The following CTR9 variants were observed in gnomAD, a reference collection of about 807,000 sequenced individuals.
CTR9 encodes the protein CTR9 component of Paf1/RNA polymerase II complex, also known as RNA polymerase-associated protein CTR9 homolog.
In CTR9, 41 loss-of-function variants were observed where a neutral mutation model predicts 152.1. The ratio of observed to expected loss-of-function variants is 0.27; its 90% CI spans 0.21 to 0.35. The LOEUF (loss-of-function observed/expected upper bound fraction) is 0.35, where lower values mean the gene tolerates loss of function less well. Among genes scored for constraint, CTR9 ranks in the 10% least tolerant of loss-of-function variants. The probability of loss-of-function intolerance (pLI) is 1.00; values close to 1 mark genes in which losing one functional copy is unlikely to be tolerated. For synonymous variants in CTR9, 476 were observed against 496.2 expected (o/e 0.96, Z 0.54); for missense variants, 917 against 1,424.4 (o/e 0.64, Z 5.73).
chr11:10,756,896 A>G (rs770902861), intron 5 of CTR9, 58 bp downstream of exon 5: 6 of 1,052,904 alleles, frequency 5.7e-6, no homozygotes, highest in Non-Finnish European at 8.7e-6. Flanking sequence ...TAAAGCATTG[A>G]GGATTTGTCA....
At chr11:10,760,886 T>C (rs1862965537) in intron 6 of CTR9, among the ~76,000 whole-genome samples, 1 of 152,214 alleles carries the variant, frequency 6.6e-6, no homozygotes, top group South Asian at 2.1e-4. Context: ...AGTCACAAGA[T>C]GGCTGCAGCA....
In CTR9 at chr11:10,775,303, T is replaced by A. The variant is rs376549284; in HGVS notation, c.2982T>A (p.Ala994=). Reference sequence around the variant, plus strand: ...CACCAAAAGCAGAGAAGAAAAAGGCTGTAAGTTTATAGTACTGTGTTTTTC... The same window carrying A: ...CACCAAAAGCAGAGAAGAAAAAGGCAGTAAGTTTATAGTACTGTGTTTTTC... The part of the protein sequence containing the change: ...RRPPKAEKKK[A]PKPERLPPSM... The change falls in exon 23 of 25, where the codon GCT becomes GCA. Residue 994 remains alanine, a splice_region_variant and synonymous_variant. Transcript: ENST00000361367. 9 of 1,613,034 alleles carry A rather than the reference T, an allele frequency of 5.6e-6. No homozygotes were observed. The African/African-American group carries it at 1.2e-4, about 22-fold the overall frequency.
rs758321627 is a variant in CTR9 at position 10,775,505 on chromosome 11, G to T, written c.2983-16G>T. 6.3e-7 allele frequency: 1 copy of T among 1,598,532 alleles called. No individual in the cohort carries two copies. Reference sequence around the variant, plus strand: ...GTAAGAGTCTTGACTAATCTATTATGTTTGACATTCTTTAGCCCAAGCCAG... The same window carrying T: ...GTAAGAGTCTTGACTAATCTATTATTTTTGACATTCTTTAGCCCAAGCCAG... On this transcript the variant is annotated splice_polypyrimidine_tract_variant and intron_variant, in intron 23 of 24. Transcript: ENST00000361367.
chr11:10,762,863 G>A (rs556821949), intron 7 of CTR9, among the ~76,000 whole-genome samples: 1 of 151,984 alleles, frequency 6.6e-6, no homozygotes, highest in African/African-American at 2.4e-5. Context: ...AAATTAGCTG[G>A]ACATGGTGGC....
chr11:10,775,750 A>G, intron 24 of CTR9, 117 bp downstream of exon 24: 1 of 643,836 alleles, frequency 1.6e-6, no homozygotes, highest in Non-Finnish European at 2.5e-6. Context: ...TTTATAAATA[A>G]TAAGAGGGGT....
intron 19 of CTR9, among the ~76,000 whole-genome samples, chr11:10,772,284 G>A (rs1863155078): frequency 6.6e-6 from 1 of 152,044 alleles, no homozygotes; most frequent in African/African-American, 2.4e-5. Flanking sequence ...AAACCCGGAG[G>A]CGGAGGTTGC....
Position 10,775,530 on chromosome 11 carries a change from G to C in CTR9, c.2992G>C (p.Glu998Gln). 6.2e-7 allele frequency: 1 copy of C among 1,613,060 alleles called. No homozygotes were observed. Among genetic ancestry groups the C allele is most frequent in the Non-Finnish European group, 8.5e-7 (1 of 1,179,322 alleles). The change falls in exon 24 of 25, where the codon GAA becomes CAA. Residue 998 changes from glutamate to glutamine, a missense_variant. Physicochemically the swap from Glu to Gln is conservative, Grantham distance 29. This residue lies in a region of CTR9 where 384 missense variants were observed against 398.4 expected (regional missense o/e 0.96). Transcript: ENST00000361367. ...GTTTGACATTCTTTAGCCCAAGCCA[G>C]AACGTCTGCCTCCATCAATGAAGGG... The part of the protein sequence containing the change: ...KAEKKKAPKP[E>Q]RLPPSMKGKI...
At chr11:10,759,249 G>A (rs568557808) in intron 5 of CTR9, among the ~76,000 whole-genome samples, 5 of 152,202 alleles carry the variant, frequency 3.3e-5, no homozygotes, top group Non-Finnish European at 7.3e-5. Context: ...AGAGGTATAG[G>A]AGGAAAATAG....
rs1564969401 is a variant in CTR9 at position 10,767,324 on chromosome 11, T to G, written c.1687-482T>G. The G allele has an allele frequency of 6.4e-6, 1 of 156,428 alleles. No individual in the cohort carries two copies. Among genetic ancestry groups the G allele is most frequent in the Non-Finnish European group, 1.4e-5 (1 of 70,414 alleles). The allele number at this position is 156,428 out of a possible 1,614,324, so 9.7% of individuals were successfully genotyped here. ...TGCCTGTTAGTGATGGTTCCACGTT[T>G]GTAACGTTTTGGTTGAGATTTTAAA... On this transcript the variant is annotated intron_variant, in intron 13 of 24. Transcript: ENST00000361367. This position sits in a 1 kb window ranked among gnomAD's most constrained non-coding sequence, Gnocchi z 4.0.
At chr11:10,761,293 T>TGGGGAAGG (rs1862972366) in intron 6 of CTR9, among the ~76,000 whole-genome samples, 3 of 137,140 alleles carry the variant, frequency 2.2e-5, no homozygotes, top group African/African-American at 8.2e-5. Flanking sequence ...CCCCCGGGCC[T>TGGGGAAGG]GGGGAAGGGG....
At chr11:10,763,999 TC>T in intron 9 of CTR9, 112 bp from the exon 10 acceptor site, 1 of 1,343,250 alleles carries the variant, frequency 7.4e-7, no homozygotes, top group Non-Finnish European at 1.0e-6. Flanking sequence ...CTGAGCTTGT[TC>T]CAGTTTAGAT....
intron 3 of CTR9, 71 bp downstream of exon 3, chr11:10,755,268 A>G (rs1017595418): frequency 1.5e-5 from 22 of 1,508,260 alleles, no homozygotes; most frequent in Admixed American, 2.2e-5. Context: ...TGTGTGTGAT[A>G]GCAGATTTTT....
Position 10,778,943 on chromosome 11 carries a change from C to A in CTR9, c.3360C>A (p.Asp1120Glu). 6.2e-7 allele frequency: 1 copy of A among 1,614,176 alleles called. No individual in the cohort carries two copies. Among genetic ancestry groups the A allele is most frequent in the Non-Finnish European group, 8.5e-7 (1 of 1,180,036 alleles). Residue 1120 changes from aspartate to glutamate, a missense_variant, in exon 25 of 25, where the codon GAC becomes GAA. Around this residue, in one of 9 missense-constraint regions of CTR9, gnomAD observed 384 missense variants for 398.4 expected, o/e 0.96. Transcript: ENST00000361367. ...GCCACTCAGGAGTTTCTGAGAACGA[C>A]TCTCGCCCAGCTTCTCCAAGTGCCG... is the stretch of plus-strand genomic sequence containing the variant. ...GRSHSGVSENDSRPASPSAES... is the reference protein window; with the variant it reads ...GRSHSGVSENESRPASPSAES...
rs1863007408 is a variant in CTR9 at position 10,763,335 on chromosome 11, G to A, written c.850-96G>A. On this transcript the variant is annotated intron_variant, in intron 7 of 24. Transcript: ENST00000361367. ...AACTATTTATGAAGAAGATGGAAAT[G>A]TATCTTACAGGTAAACGAAGTGTTA... The A allele has an allele frequency of 1.6e-5, 13 of 796,784 alleles. 1 individual carries two copies. In the South Asian group the frequency reaches 1.7e-4, roughly 10 times the overall value. 49.4% of individuals were successfully genotyped at this position (796,784 alleles called of 1,614,324 possible). A position where few individuals can be genotyped will look rare whatever the true frequency, so the allele number is the denominator to read the frequency against.
At chr11:10,762,086 T>C (rs745636253) in intron 7 of CTR9, 32 bp downstream of exon 7, 78 of 1,377,322 alleles carry the variant, frequency 5.7e-5, no homozygotes, top group Non-Finnish European at 7.8e-5. Context: ...ATTCTGATTT[T>C]TGTTTTTCTG....
At chr11:10,756,626 T>A (rs1324868413) in intron 4 of CTR9, 123 bp from the exon 5 acceptor site, 2 of 602,124 alleles carry the variant, frequency 3.3e-6, no homozygotes, top group African/African-American at 3.8e-5. Flanking sequence ...ATATGAAATT[T>A]TGTTCTGTGT....
intron 5 of CTR9, 21 bp from the exon 6 acceptor site, chr11:10,760,152 T>C (rs1331788935): frequency 6.2e-7 from 1 of 1,610,366 alleles, no homozygotes; most frequent in African/African-American, 1.3e-5. Flanking sequence ...GTTTGATAGA[T>C]TGAATGACTT....
rs1233247876 is a variant in CTR9, at chr11:10,773,193, G to A, written c.2647G>A (p.Glu883Lys). 1 of 1,613,198 alleles carries A rather than the reference G, an allele frequency of 6.2e-7. No individual in the cohort carries two copies. Among genetic ancestry groups the A allele is most frequent in the South Asian group, 1.1e-5 (1 of 90,746 alleles). Residue 883 changes from glutamate (E) to lysine (K), a missense_variant, in exon 21 of 25, where the codon GAG (glutamate) becomes AAG (lysine). Glu to Lys is a moderately conservative substitution (Grantham distance 56). Transcript: ENST00000361367. Reference protein sequence around the residue: ...KLLEQRAQYVEKTKNILMFTG... With the variant: ...KLLEQRAQYVKKTKNILMFTG... ...TTTGGAACAGCGGGCCCAGTATGTG[G>A]AGAAGACCAAAAATATTCTTATGTT...
At chr11:10,757,154 A>G (rs1862898683) in intron 5 of CTR9, among the ~76,000 whole-genome samples, 1 of 151,986 alleles carries the variant, frequency 6.6e-6, no homozygotes, top group Non-Finnish European at 1.5e-5. Flanking sequence ...GCATGGTGGC[A>G]CACACCTGTG....
Sources: gnomAD v4.1 joint callset for allele counts (sites outside exome capture counted in the v4.1 genomes callset) on GRCh38, gnomAD v4.1.1 for gene constraint, gnomAD v4.1.1 regional missense constraint, Gnocchi (gnomAD v3.1) non-coding constraint, MANE v1.5 for transcripts, NCBI Gene and HGNC (gene_info 2026-07-23, HGNC 2026-07-21) for gene names.